Variants in ZNF782 observed in about 807,000 individuals in gnomAD.
ZNF782 encodes zinc finger protein 782.
In ZNF782, 12 loss-of-function variants were observed where a neutral mutation model predicts 13.0. The observed-to-expected ratio is 0.92, with a 90% confidence interval of 0.59 to 1.50. The LOEUF is 1.50. ZNF782 is among the 40% of genes most tolerant of loss of function. The pLI is 0.00. For synonymous variants in ZNF782, 284 were observed against 283.0 expected, an observed-to-expected ratio of 1.00 and a Z score of -0.04; for missense variants, 770 against 822.9, an observed-to-expected ratio of 0.94 and a Z score of 0.79.
At chr9:96,840,957 A>G (rs1462075399) in intron 4 of ZNF782, among the ~76,000 whole-genome samples, 1 of 152,046 alleles carries the variant, frequency 6.6e-6, no homozygotes, top group African/African-American at 2.4e-5. Flanking sequence ...TCAATGAGAG[A>G]AAAAGCTGGT....
At chr9:96,834,341 T>C (rs1012209731) in intron 4 of ZNF782, among the ~76,000 whole-genome samples, 2 of 152,208 alleles carry the variant, frequency 1.3e-5, no homozygotes, top group Non-Finnish European at 2.9e-5. Context: ...TGCCTTCCAC[T>C]ATAATTGCAA....
chr9:96,853,377 C>G (rs912228406), intron 1 of ZNF782, among the ~76,000 whole-genome samples: 7 of 152,148 alleles, frequency 4.6e-5, no homozygotes, highest in Non-Finnish European at 8.8e-5. Flanking sequence ...TGCTCTGAAG[C>G]TCGGGAGGGA....
rs1227510247 is a variant in ZNF782 at position 96,818,409 on chromosome 9, C to A, written c.1614G>T (p.Gln538His). The A allele has an allele frequency of 6.2e-7, 1 of 1,613,160 alleles. No homozygotes were observed. Among genetic ancestry groups the A allele is most frequent in the Non-Finnish European group, 8.5e-7 (1 of 1,179,712 alleles). Residue 538 changes from glutamine to histidine, a missense_variant, in exon 6 of 6, where the codon CAG becomes CAT. Physicochemically the swap from Gln to His is conservative, Grantham distance 24. Coordinates refer to ENST00000481138, the MANE Select transcript of ZNF782 (RefSeq NM_001001662.3). ...ATTTCTGACCGAAAGCTTTTCCACA[C>A]TGATTACATTTGTAGGGCTTCTCCC... ...HTGEKPYKCNQCGKAFGQKSQ... is the reference protein window; with the variant it reads ...HTGEKPYKCNHCGKAFGQKSQ...
At chr9:96,930,520 T>C in the ZNF782 span, among the ~76,000 whole-genome samples, 2 of 122,480 alleles carry the variant, frequency 1.6e-5, no homozygotes, top group South Asian at 2.7e-4. Context: ...CGAGACTCCG[T>C]CTCAAAAAAA....
chr9:96,857,314 G>A (rs1564013975), upstream of ZNF782, among the ~76,000 whole-genome samples: 1 of 152,158 alleles, frequency 6.6e-6, no homozygotes, highest in Non-Finnish European at 1.5e-5. Flanking sequence ...CTAAAACTGG[G>A]CTGTACATTT....
chr9:96,932,981 T>TTCTTTC, the ZNF782 span, among the ~76,000 whole-genome samples: 1 of 146,608 alleles, frequency 6.8e-6, no homozygotes, highest in African/African-American at 2.5e-5. Flanking sequence ...TTCTTTTCTT[T>TTCTTTC]TTTTTTTTTT....
chr9:96,883,320 G>A, the ZNF782 span, among the ~76,000 whole-genome samples: 1 of 152,104 alleles, frequency 6.6e-6, no homozygotes, highest in Non-Finnish European at 1.5e-5. Flanking sequence ...TCTAAAAGGA[G>A]GGGTTTGTTT....
intron 3 of ZNF782, 106 bp from the exon 4 acceptor site, chr9:96,845,122 T>A (rs1006818455): frequency 1.4e-6 from 2 of 1,392,830 alleles, no homozygotes; most frequent in Non-Finnish European, 9.8e-7. Context: ...TAAAACAAAA[T>A]GCTATAAGGG....
the ZNF782 span, among the ~76,000 whole-genome samples, chr9:96,900,057 C>A: frequency 6.6e-6 from 1 of 152,146 alleles, no homozygotes; most frequent in South Asian, 2.1e-4. Flanking sequence ...CCTTGACCTC[C>A]CAAAGTGCTG....
At chr9:96,842,341 C>T (rs573139702) in intron 4 of ZNF782, among the ~76,000 whole-genome samples, 3 of 151,950 alleles carry the variant, frequency 2.0e-5, no homozygotes, top group Non-Finnish European at 4.4e-5. Context: ...GATATTATTA[C>T]AATATGTATA....
chr9:96,843,891 AT>A (rs1851262642), intron 4 of ZNF782, among the ~76,000 whole-genome samples: 1 of 152,210 alleles, frequency 6.6e-6, no homozygotes, highest in Non-Finnish European at 1.5e-5. Flanking sequence ...CATATATCTA[AT>A]AAAGGTCTGA....
upstream of ZNF782, among the ~76,000 whole-genome samples, chr9:96,858,542 T>C (rs1851670356): frequency 6.6e-6 from 1 of 152,174 alleles, no homozygotes; most frequent in African/African-American, 2.4e-5. The surrounding 1 kb of genome is among the most constrained non-coding windows in gnomAD (Gnocchi z 4.4). Context: ...GGAAGGGCCT[T>C]GGAGCTGGTA....
the ZNF782 span, chr9:96,929,084 C>T: frequency 2.0e-5 from 33 of 1,611,056 alleles, 1 homozygote; most frequent in East Asian, 7.5e-4. Flanking sequence ...TGCCTTGCCT[C>T]AACTCCTTGG....
the ZNF782 span, among the ~76,000 whole-genome samples, chr9:96,913,494 G>T: frequency 2.6e-5 from 4 of 151,698 alleles, no homozygotes; most frequent in East Asian, 7.8e-4. Flanking sequence ...TGACAAATGC[G>T]CCCTTCTAAA....
the ZNF782 span, among the ~76,000 whole-genome samples, chr9:96,911,584 G>T: frequency 1.4e-5 from 2 of 144,762 alleles, 1 homozygote; most frequent in South Asian, 4.4e-4. Context: ...GCAGTGGCGC[G>T]ATCTCGGCTC....
the ZNF782 span, chr9:96,895,027 G>C: frequency 6.6e-6 from 1 of 152,186 alleles, no homozygotes; most frequent in African/African-American, 2.4e-5. Context: ...TCTAGCTCAG[G>C]ACACACTTTC....
At chr9:96,833,812 C>CTTAT (rs920399894) in intron 4 of ZNF782, among the ~76,000 whole-genome samples, 1 of 152,064 alleles carries the variant, frequency 6.6e-6, no homozygotes, top group African/African-American at 2.4e-5. Context: ...TCTATTCTCT[C>CTTAT]TTATTTATTC....
the ZNF782 span, chr9:96,909,974 C>T: frequency 6.5e-6 from 3 of 462,514 alleles, no homozygotes; most frequent in Admixed American, 2.9e-5. Flanking sequence ...CCTTGCTCGC[C>T]GCGGCTGCCT....
the ZNF782 span, among the ~76,000 whole-genome samples, chr9:96,901,433 G>A: frequency 6.6e-6 from 1 of 150,876 alleles, no homozygotes; most frequent in Non-Finnish European, 1.5e-5. Context: ...CACCACGCCT[G>A]GCTAATTTTT....
Sources: gnomAD v4.1 joint callset for allele counts (sites outside exome capture counted in the v4.1 genomes callset) on GRCh38, gnomAD v4.1.1 for gene constraint, Gnocchi (gnomAD v3.1) non-coding constraint, MANE v1.5 for transcripts, NCBI Gene and HGNC (gene_info 2026-07-23, HGNC 2026-07-21) for gene names.